Variants in PCDHGA6 observed in about 807,000 individuals in gnomAD.
PCDHGA6 encodes protocadherin gamma-A6.
A neutral mutation model predicts 60.6 loss-of-function variants in PCDHGA6; 41 were observed. The ratio of observed to expected loss-of-function variants is 0.68; its 90% CI spans 0.53 to 0.88. PCDHGA6 has a LOEUF of 0.88. Among genes scored for constraint, PCDHGA6 ranks in the 40% least tolerant of loss-of-function variants. PCDHGA6 has a pLI of 0.00. For missense variants in PCDHGA6, 1,312 were observed against 1,203.0 expected, an observed-to-expected ratio of 1.09 and a Z score of -1.34; for synonymous variants, 594 against 524.4, an observed-to-expected ratio of 1.13 and a Z score of -1.81.
At chr5:141,410,748 C>G in intron 1 of PCDHGA6, 1 of 1,245,396 alleles carries the variant, frequency 8.0e-7, no homozygotes, top group Non-Finnish European at 1.1e-6. Flanking sequence ...AATATTTTCT[C>G]AATGTTTTTT....
intron 1 of PCDHGA6, chr5:141,433,186 G>A (rs753657435): frequency 1.4e-5 from 23 of 1,601,378 alleles, no homozygotes; most frequent in Non-Finnish European, 1.9e-5. Context: ...TAATTGAGGT[G>A]AGTTTATATC....
In PCDHGA6 at chr5:141,490,455, G is replaced by A. The variant is rs746957706; in HGVS notation, c.2425-4352G>A. The A allele has an allele frequency of 9.3e-6, 15 of 1,614,010 alleles. No individual in the cohort carries two copies. The highest frequency in any genetic ancestry group is 2.2e-5 in the South Asian group (2 of 91,084). ...TTAAGCCTTCTGAGAACCACTACTC[G>A]CTGCTAACCAGCCAGCCTTTGGACC... On this transcript the variant is annotated intron_variant, in intron 1 of 3. Coordinates refer to ENST00000517434, the MANE Select transcript of PCDHGA6 (RefSeq NM_018919.3). The surrounding 1 kb of genome is among the most constrained non-coding windows in gnomAD (Gnocchi z 5.4).
intron 1 of PCDHGA6, among the ~76,000 whole-genome samples, chr5:141,461,756 C>T (rs887460069): frequency 6.6e-6 from 1 of 151,832 alleles, no homozygotes; most frequent in Non-Finnish European, 1.5e-5. Flanking sequence ...CAGATTCAAG[C>T]GATTCTCCTG....
At chr5:141,404,655 C>T (rs2094551486) in intron 1 of PCDHGA6, 1 of 1,614,062 alleles carries the variant, frequency 6.2e-7, no homozygotes, top group Non-Finnish European at 8.5e-7. Flanking sequence ...CCTGCCCTCC[C>T]CACTGATGGT....
chr5:141,398,945 T>G, intron 1 of PCDHGA6: 3 of 1,613,974 alleles, frequency 1.9e-6, no homozygotes, highest in Non-Finnish European at 2.5e-6. Context: ...GACGAGGGCA[T>G]CAACTCAGAA....
chr5:141,477,268 C>T lies in PCDHGA6; in HGVS notation c.2425-17539C>T. ...TGACTGACCTGGATGCTGGCGAGAA[C>T]GGGCTGGTGACCTGCGAAGTTCCAC... On this transcript the variant is annotated intron_variant, in intron 1 of 3. Transcript: ENST00000517434. The surrounding 1 kb of genome is among the most constrained non-coding windows in gnomAD (Gnocchi z 4.9). The T allele has an allele frequency of 6.2e-7, 1 of 1,614,196 alleles. No individual in the cohort carries two copies. The highest frequency in any genetic ancestry group is 8.5e-7 in the Non-Finnish European group (1 of 1,180,030).
intron 1 of PCDHGA6, among the ~76,000 whole-genome samples, chr5:141,455,576 G>T (rs752051075): frequency 1.3e-5 from 2 of 152,154 alleles, no homozygotes; most frequent in Non-Finnish European, 2.9e-5. Flanking sequence ...TCCCACCCCA[G>T]CCTTTTAATA....
intron 3 of PCDHGA6, 46 bp from the exon 4 acceptor site, chr5:141,510,901 A>G: frequency 1.9e-6 from 3 of 1,613,412 alleles, no homozygotes; most frequent in African/African-American, 2.7e-5. Flanking sequence ...GTGACTGTTG[A>G]GGACCCTAAG....
chr5:141,426,676 A>T (rs1209949988), intron 1 of PCDHGA6: 4 of 431,700 alleles, frequency 9.3e-6, no homozygotes, highest in Non-Finnish European at 1.9e-5. Context: ...AACCCACCTC[A>T]TTTTCCCCAA....
At chr5:141,453,700 G>A (rs953445370) in intron 1 of PCDHGA6, among the ~76,000 whole-genome samples, 1 of 152,166 alleles carries the variant, frequency 6.6e-6, no homozygotes, top group Non-Finnish European at 1.5e-5. Flanking sequence ...TCCTGGCTTT[G>A]AACAGTTTCA....
intron 1 of PCDHGA6, chr5:141,409,346 G>A (rs573212606): frequency 4.3e-6 from 7 of 1,613,998 alleles, no homozygotes; most frequent in South Asian, 2.2e-5. Context: ...AAATGGAGAA[G>A]TCAGGTGTAA....
At chr5:141,383,468 A>C in intron 1 of PCDHGA6, 1 of 1,613,774 alleles carries the variant, frequency 6.2e-7, no homozygotes, top group Non-Finnish European at 8.5e-7. Context: ...GATGAAACTA[A>C]GTACCCGGAA....
rs1460175237 is a variant in PCDHGA6, at chr5:141,485,185, G to A, written c.2425-9622G>A. ...AGCGGGCGGCAGCAATGCTCCGCAAGGTGAGAAGCTGGACAGAAATCTGGC... is the reference window on the plus strand; with the variant it reads ...AGCGGGCGGCAGCAATGCTCCGCAAAGTGAGAAGCTGGACAGAAATCTGGC... On this transcript the variant is annotated intron_variant, in intron 1 of 3. Transcript: ENST00000517434. This position sits in a 1 kb window ranked among gnomAD's most constrained non-coding sequence, Gnocchi z 5.7. 3.1e-6 allele frequency: 5 copies of A among 1,613,528 alleles called. No individual in the cohort carries two copies. Among genetic ancestry groups the A allele is most frequent in the African/African-American group, 2.7e-5 (2 of 75,052 alleles).
At chr5:141,402,812 C>A in intron 1 of PCDHGA6, 1 of 1,243,796 alleles carries the variant, frequency 8.0e-7, no homozygotes, top group Non-Finnish European at 1.1e-6. Flanking sequence ...GCAGATACCA[C>A]AAACCTGCTC....
chr5:141,407,947 G>C (rs910743144), intron 1 of PCDHGA6: 7 of 561,352 alleles, frequency 1.2e-5, no homozygotes, highest in South Asian at 3.4e-5. Context: ...CGCCGCTGTC[G>C]GCCAGTGCAG....
At chr5:141,505,935 C>T (rs2099849264) in intron 3 of PCDHGA6, among the ~76,000 whole-genome samples, 1 of 152,146 alleles carries the variant, frequency 6.6e-6, no homozygotes, top group African/African-American at 2.4e-5. Flanking sequence ...CGCTTGGAAG[C>T]CCTCAAGCAA....
chr5:141,376,590 G>A (rs569935512), intron 1 of PCDHGA6, 83 bp downstream of exon 1: 9 of 1,570,160 alleles, frequency 5.7e-6, no homozygotes, highest in South Asian at 4.7e-5. Context: ...CAGCTAGATC[G>A]GCTGTTATAG....
Position 141,504,710 on chromosome 5 carries a change from G to A in PCDHGA6, c.2484-683G>A, listed in dbSNP as rs528205869. The stretch of plus-strand genomic sequence containing the variant: ...AGGAGGGGCAGGTTCTTCTATGGCC[G>A]TGGATTTTACTCTGAGGGCTTAGGA... On this transcript the variant is annotated intron_variant, in intron 2 of 3. Transcript: ENST00000517434. Among the ~76,000 whole-genome samples the A allele has an allele frequency of 1.4e-4, 21 of 151,968 alleles. No homozygotes were observed. The East Asian group carries it at 3.7e-3, about 27-fold the overall frequency.
rs2154591356 is a variant in PCDHGA6, at chr5:141,493,972, C to G, written c.2425-835C>G. Among the ~76,000 whole-genome samples, 6 of 152,276 alleles carry G rather than the reference C, an allele frequency of 3.9e-5. No homozygotes were observed. In the Middle Eastern group the frequency reaches 0.014, roughly 345 times the overall value. On this transcript the variant is annotated intron_variant, in intron 1 of 3. Coordinates refer to ENST00000517434, the MANE Select transcript of PCDHGA6 (RefSeq NM_018919.3). This position sits in a 1 kb window ranked among gnomAD's most constrained non-coding sequence, Gnocchi z 4.3. ...CAGGAATGAAGTGGCTGGCCAGAGC[C>G]CCACACCTTCAGCTAGGTGGGAGAT...
Sources: allele counts gnomAD v4.1 joint callset (sites outside exome capture counted in the v4.1 genomes callset), GRCh38; gene constraint gnomAD v4.1.1; non-coding constraint Gnocchi (gnomAD v3.1); transcripts MANE v1.5; gene names NCBI Gene and HGNC (gene_info 2026-07-23, HGNC 2026-07-21).